SYT9: variants seen among roughly 807,000 people sequenced by gnomAD.
SYT9 encodes synaptotagmin 9.
Under a neutral mutation model 48.4 loss-of-function variants are expected in SYT9, and 22 were observed. That is an observed-to-expected ratio of 0.45 (90% confidence interval 0.32 to 0.65). SYT9 has a LOEUF of 0.65. SYT9 is among the 30% of genes least tolerant of loss of function. The pLI, the probability that SYT9 is intolerant of heterozygous loss-of-function variation, is 0.03. For synonymous variants in SYT9, 265 were observed against 245.0 expected, an observed-to-expected ratio of 1.08 and a Z score of -0.76; for missense variants, 577 against 622.0, an observed-to-expected ratio of 0.93 and a Z score of 0.77.
upstream of SYT9, among the ~76,000 whole-genome samples, chr11:7,247,492 C>T (rs1023542702): frequency 2.2e-4 from 33 of 149,244 alleles, no homozygotes; most frequent in African/African-American, 7.7e-4. Context: ...TATACACACA[C>T]ATATATATAC....
At chr11:7,309,350 T>C (rs888446346) in intron 2 of SYT9, among the ~76,000 whole-genome samples, 3 of 152,150 alleles carry the variant, frequency 2.0e-5, no homozygotes, top group African/African-American at 7.2e-5. Context: ...CCACTTTTTT[T>C]CATTCACTGT....
intron 3 of SYT9, among the ~76,000 whole-genome samples, chr11:7,399,790 CA>C (rs1419334242): frequency 6.8e-6 from 1 of 147,458 alleles, no homozygotes; most frequent in African/African-American, 2.6e-5. Context: ...CCGTCACAGG[CA>C]AAAGCTTGCA....
chr11:7,349,177 C>G (rs763576957), intron 3 of SYT9, among the ~76,000 whole-genome samples: 1 of 151,720 alleles, frequency 6.6e-6, no homozygotes, highest in East Asian at 1.9e-4. Context: ...AAGAACTCCA[C>G]GAGCATTGCC....
At position 7,467,811 on chromosome 11, in the gene SYT9, A is replaced by T. The variant is rs1362076280; in HGVS notation, c.*1011A>T. 1 of 153,534 alleles carries T rather than the reference A, an allele frequency of 6.5e-6. No homozygotes were observed. The highest frequency in any genetic ancestry group is 1.9e-4 in the East Asian group (1 of 5,238). The allele number at this position is 153,534 out of a possible 1,614,324, so 9.5% of individuals were successfully genotyped here. On this transcript the variant is annotated 3_prime_UTR_variant, in exon 7 of 7. Transcript: ENST00000318881. ...CAGCCCAGAGTCATAGCCTTGGGCA[A>T]CCACACATAGAGGTTTCCTTCTCAC...
intron 6 of SYT9, chr11:7,440,634 T>A (rs1847813312): frequency 6.6e-6 from 1 of 152,326 alleles, no homozygotes; most frequent in Admixed American, 6.5e-5. Context: ...ATACAGGTGG[T>A]ATTTTCATTG....
intron 3 of SYT9, among the ~76,000 whole-genome samples, chr11:7,404,510 C>A (rs1202520004): frequency 2.0e-5 from 3 of 152,018 alleles, no homozygotes; most frequent in Admixed American, 2.0e-4. Flanking sequence ...GAGTATATAT[C>A]TTTAACTTAT....
rs189896085 is a variant in SYT9 at position 7,346,615 on chromosome 11, G to A, written c.1044+32674G>A. On this transcript the variant is annotated intron_variant, in intron 3 of 6. Transcript: ENST00000318881. ...TTCAGGGAGCTTGTGGTCTTTTGGC[G>A]TGTACTGCTCTGATGATTTCTTTTA... Among the ~76,000 whole-genome samples the A allele has an allele frequency of 1.3e-3, 191 of 152,294 alleles. 1 individual carries two copies. Among genetic ancestry groups the A allele is most frequent in the Admixed American group, 2.9e-3 (45 of 15,294 alleles).
At chr11:7,372,493 T>A (rs530856217) in intron 3 of SYT9, among the ~76,000 whole-genome samples, 1 of 152,210 alleles carries the variant, frequency 6.6e-6, no homozygotes, top group East Asian at 1.9e-4. Context: ...TAAAATTTTT[T>A]ATGAAGATGA....
chr11:7,241,364 G>A (rs1393995888), intron 1 of SYT9, among the ~76,000 whole-genome samples: 1 of 151,956 alleles, frequency 6.6e-6, no homozygotes, highest in African/African-American at 2.4e-5. Context: ...ATATTTGTGT[G>A]GTAATAAACA....
intron 3 of SYT9, among the ~76,000 whole-genome samples, chr11:7,321,280 A>G (rs981128218): frequency 1.3e-5 from 2 of 150,744 alleles, no homozygotes; most frequent in Non-Finnish European, 2.9e-5. Context: ...GTTATTTTGT[A>G]GTGACTGATT....
intron 3 of SYT9, among the ~76,000 whole-genome samples, chr11:7,349,475 GCA>G (rs1174767495): frequency 1.3e-5 from 2 of 151,648 alleles, no homozygotes; most frequent in African/African-American, 2.4e-5. Flanking sequence ...AGGCCCAAAT[GCA>G]CAGAGTTGCC....
At chr11:7,380,926 C>A (rs1564883647) in intron 3 of SYT9, among the ~76,000 whole-genome samples, 1 of 152,122 alleles carries the variant, frequency 6.6e-6, no homozygotes, top group Non-Finnish European at 1.5e-5. Flanking sequence ...ATTGATCTTA[C>A]CTATCTGTCA....
intron 2 of SYT9, among the ~76,000 whole-genome samples, chr11:7,305,176 A>G (rs983820896): frequency 6.6e-6 from 1 of 152,242 alleles, no homozygotes; most frequent in Non-Finnish European, 1.5e-5. Flanking sequence ...AGGGAGAGTG[A>G]AGGAATTATC....
intron 3 of SYT9, among the ~76,000 whole-genome samples, chr11:7,398,271 C>T (rs1846796380): frequency 6.6e-6 from 1 of 152,080 alleles, no homozygotes; most frequent in African/African-American, 2.4e-5. Flanking sequence ...AAATGTTAAG[C>T]CAACCTTACA....
intron 3 of SYT9, among the ~76,000 whole-genome samples, chr11:7,390,255 A>G (rs1035333184): frequency 3.9e-5 from 6 of 152,118 alleles, no homozygotes; most frequent in Non-Finnish European, 7.3e-5. Flanking sequence ...TGTCCTTGCA[A>G]TAGTGGTGGT....
chr11:7,288,101 T>C (rs1467895688), intron 1 of SYT9, among the ~76,000 whole-genome samples: 1 of 151,914 alleles, frequency 6.6e-6, no homozygotes, highest in African/African-American at 2.4e-5. Context: ...TGACACAGAC[T>C]CCTAGAGGCA....
chr11:7,256,973 G>A (rs1428001038), intron 1 of SYT9, among the ~76,000 whole-genome samples: 1 of 152,020 alleles, frequency 6.6e-6, no homozygotes, highest in African/African-American at 2.4e-5. Context: ...TTAGGGAGCT[G>A]GAACAAACAA....
chr11:7,455,432 C>T (rs1216464784), intron 6 of SYT9, among the ~76,000 whole-genome samples: 1 of 151,170 alleles, frequency 6.6e-6, no homozygotes, highest in Admixed American at 6.6e-5. Flanking sequence ...CTCCTGGGCT[C>T]AAGCGATTCT....
intron 1 of SYT9, among the ~76,000 whole-genome samples, chr11:7,281,686 A>G (rs1487882): frequency 0.082 from 12,408 of 152,102 alleles, 690 homozygotes; most frequent in East Asian, 0.23. Context: ...ACATAGAAAG[A>G]TATGAGGATT....
Sources: allele counts gnomAD v4.1 joint callset (sites outside exome capture counted in the v4.1 genomes callset), GRCh38; gene constraint gnomAD v4.1.1; transcripts MANE v1.5; gene names NCBI Gene and HGNC (gene_info 2026-07-23, HGNC 2026-07-21).